Variants in ZC3H4 observed in about 807,000 individuals in gnomAD.
The protein encoded by ZC3H4 is zinc finger CCCH-type containing 4.
A neutral mutation model predicts 108.3 loss-of-function variants in ZC3H4; 13 were observed. The observed-to-expected ratio is 0.12, with a 90% CI of 0.08 to 0.19. The LOEUF (loss-of-function observed/expected upper bound fraction) is 0.19. Among genes scored for constraint, ZC3H4 ranks in the 10% least tolerant of loss-of-function variants. ZC3H4 has a pLI of 1.00. For missense variants in ZC3H4, 1,734 were observed against 1,838.8 expected (o/e 0.94, Z 1.04); for synonymous variants, 917 against 749.6 (o/e 1.22, Z -3.65).
intron 4 of ZC3H4, among the ~76,000 whole-genome samples, chr19:47,092,731 C>G (rs977597124): frequency 6.6e-6 from 1 of 151,838 alleles, no homozygotes; most frequent in African/African-American, 2.4e-5. Context: ...ACAGGAGAAT[C>G]GCTTGAACCA....
intron 4 of ZC3H4, among the ~76,000 whole-genome samples, chr19:47,090,659 A>G (rs2057715647): frequency 2.0e-5 from 3 of 152,214 alleles, no homozygotes. Flanking sequence ...GAAGAAGTTA[A>G]AGATACTCAT....
intron 2 of ZC3H4, among the ~76,000 whole-genome samples, chr19:47,102,522 G>A (rs534722541): frequency 3.9e-5 from 6 of 152,274 alleles, no homozygotes; most frequent in African/African-American, 1.2e-4. Flanking sequence ...TAACTGTGCA[G>A]CACAGGCAAC....
In ZC3H4 at chr19:47,064,858, T is replaced by TG. The variant is rs1021592211; in HGVS notation, c.*1497dup. On this transcript the variant is annotated 3_prime_UTR_variant, in exon 15 of 15. Transcript: ENST00000253048. ...TATGAGTTTTTCATTTTTCTCTTTTTGGGGTGGGGTGGGATAGGAGCCTTG... is the reference window on the plus strand; with the variant it reads ...TATGAGTTTTTCATTTTTCTCTTTTTGGGGGTGGGGTGGGATAGGAGCCTTG... 1 of 152,196 alleles carries TG rather than the reference T, an allele frequency of 6.6e-6. No individual in the cohort carries two copies. Among genetic ancestry groups the TG allele is most frequent in the African/African-American group, 2.4e-5 (1 of 41,406 alleles). The allele number at this position is 152,196 out of a possible 1,614,324, so 9.4% of individuals were successfully genotyped here. A position where few individuals can be genotyped will look rare whatever the true frequency, so the allele number is the denominator to read the frequency against.
At chr19:47,108,058 G>A (rs935770668) in intron 2 of ZC3H4, among the ~76,000 whole-genome samples, 24 of 152,084 alleles carry the variant, frequency 1.6e-4, no homozygotes, top group Middle Eastern at 3.2e-3. Context: ...CATGTTATTC[G>A]GAGAGGAGTC....
chr19:47,070,136 G>C (rs140451037), intron 13 of ZC3H4, among the ~76,000 whole-genome samples: 114 of 152,082 alleles, frequency 7.5e-4, no homozygotes, highest in Middle Eastern at 3.4e-3. Flanking sequence ...CGAAACGGAG[G>C]GGGGGGCGTC....
At chr19:47,095,385 C>A (rs549397090) in intron 2 of ZC3H4, among the ~76,000 whole-genome samples, 1 of 152,358 alleles carries the variant, frequency 6.6e-6, no homozygotes, top group East Asian at 1.9e-4. Flanking sequence ...CACCTCTAGG[C>A]CGGAGGCAAG....
rs372959970 is a variant in ZC3H4, at chr19:47,103,072, C to A, written c.162-8464G>T. On this transcript the variant is annotated intron_variant, in intron 2 of 14. Transcript: ENST00000253048. ...CCCACGAGCTCTGAAAATTTGCATTCTTGAGCAAAGGTATCTATCCCTCAG... is the reference window on the plus strand; with the variant it reads ...CCCACGAGCTCTGAAAATTTGCATTATTGAGCAAAGGTATCTATCCCTCAG... 1.2e-4 allele frequency among the ~76,000 whole-genome samples: 19 copies of A among 152,260 alleles called. 1 individual carries two copies. In the East Asian group the frequency reaches 1.5e-3, roughly 12 times the overall value.
chr19:47,069,361 C>T lies in ZC3H4; in HGVS notation c.2147-18G>A, dbSNP rs767466113. 6.2e-5 allele frequency: 99 copies of T among 1,608,142 alleles called. No individual in the cohort carries two copies. The highest frequency in any genetic ancestry group is 2.3e-4 in the South Asian group (21 of 90,266). On this transcript the variant is annotated intron_variant, in intron 13 of 14. Coordinates refer to ENST00000253048, the MANE Select transcript of ZC3H4 (RefSeq NM_015168.2). ...GTAGTCCTCTGTGGCAGGGAAGAAC[C>T]GAGGGTTCATGTCGGGAAGGGCCTC...
At chr19:47,089,877 C>T in intron 5 of ZC3H4, 90 bp downstream of exon 5, 1 of 1,394,238 alleles carries the variant, frequency 7.2e-7, no homozygotes. Flanking sequence ...CCCTAAGTGA[C>T]CAAACTTGAG....
intron 4 of ZC3H4, 46 bp from the exon 5 acceptor site, chr19:47,090,235 C>G: frequency 6.2e-7 from 1 of 1,604,198 alleles, no homozygotes; most frequent in Non-Finnish European, 8.5e-7. Context: ...ATCCCACAGC[C>G]GTGGGTGCAG....
chr19:47,092,644 C>T (rs995190873), intron 4 of ZC3H4, among the ~76,000 whole-genome samples: 1 of 151,784 alleles, frequency 6.6e-6, no homozygotes, highest in African/African-American at 2.4e-5. Context: ...TCGTGAAACC[C>T]TGTCTCTACT....
chr19:47,104,775 G>A (rs1296013063), intron 2 of ZC3H4, among the ~76,000 whole-genome samples: 2 of 152,172 alleles, frequency 1.3e-5, no homozygotes, highest in Non-Finnish European at 2.9e-5. Flanking sequence ...GGGCCTGCCT[G>A]GAATCCCAAG....
At chr19:47,094,233 A>C (rs2057785367) in intron 3 of ZC3H4, among the ~76,000 whole-genome samples, 153 bp from the exon 4 acceptor site, 1 of 152,220 alleles carries the variant, frequency 6.6e-6, no homozygotes, top group African/African-American at 2.4e-5. Context: ...AATGAAGCAT[A>C]AGCTACCAAC....
Position 47,072,517 on chromosome 19 carries a change from G to A in ZC3H4, c.1637C>T (p.Pro546Leu), listed in dbSNP as rs1264383572. The A allele has an allele frequency of 1.6e-6, 2 of 1,285,746 alleles. No homozygotes were observed. The highest frequency in any genetic ancestry group is 3.0e-5 in the African/African-American group (2 of 67,466). 79.6% of individuals were successfully genotyped at this position (1,285,746 alleles called of 1,614,324 possible). A position where few individuals can be genotyped will look rare whatever the true frequency, so the allele number is the denominator to read the frequency against. Residue 546 changes from proline to leucine, a missense_variant, in exon 12 of 15, where the codon CCT becomes CTT. Physicochemically the swap from Pro to Leu is moderately conservative, Grantham distance 98. This residue lies in a region of ZC3H4 where 75 missense variants were observed against 85.8 expected (regional missense o/e 0.87). Coordinates refer to ENST00000253048, the MANE Select transcript of ZC3H4 (RefSeq NM_015168.2). The surrounding 1 kb of genome is among the most constrained non-coding windows in gnomAD (Gnocchi z 5.6). ...GGGCCCGGGCGGTGGGGGAGGGGGA[G>A]GGGGCGGGGGCGGGGGGCCACCCTG... ...PMQGGPPPPP[P>L]PPPPPPGPPQ...
rs1337526343 is a variant in ZC3H4, at chr19:47,066,312, G to A, written c.*44C>T. ...CCCTACCCTGGGTGCTGCCCTGAAT[G>A]CCACCCTAGGAAGGGTGGCTGGAGC... On this transcript the variant is annotated 3_prime_UTR_variant, in exon 15 of 15. Coordinates refer to ENST00000253048, the MANE Select transcript of ZC3H4 (RefSeq NM_015168.2). The A allele has an allele frequency of 2.8e-6, 4 of 1,448,752 alleles. No homozygotes were observed. Among genetic ancestry groups the A allele is most frequent in the Non-Finnish European group, 2.7e-6 (3 of 1,096,974 alleles). The allele number at this position is 1,448,752 out of a possible 1,614,324, so 89.7% of individuals were successfully genotyped here.
chr19:47,076,304 CATGCA>C (rs2057416493), intron 11 of ZC3H4, among the ~76,000 whole-genome samples: 1 of 143,306 alleles, frequency 7.0e-6, no homozygotes, highest in South Asian at 2.2e-4. Flanking sequence ...AGACTCAACA[CATGCA>C]CGCGTGCGCG....
chr19:47,095,826 G>A (rs560757839), intron 2 of ZC3H4, among the ~76,000 whole-genome samples: 3 of 152,312 alleles, frequency 2.0e-5, no homozygotes, highest in East Asian at 1.9e-4. Flanking sequence ...AAAGGCTTGC[G>A]TGAGAGCATC....
At chr19:47,097,125 T>C (rs2057835041) in intron 2 of ZC3H4, among the ~76,000 whole-genome samples, 1 of 152,130 alleles carries the variant, frequency 6.6e-6, no homozygotes, top group South Asian at 2.1e-4. Context: ...GGTAGAGAAG[T>C]GCAGCATTCA....
rs760156897 is a variant in ZC3H4 at position 47,085,141 on chromosome 19, C to T, written c.1022G>A (p.Arg341Gln). The change falls in exon 8 of 15, where the codon CGG becomes CAG. Residue 341 changes from arginine (R) to glutamine (Q), a missense_variant. Arg to Gln is a conservative substitution (Grantham distance 43). Around this residue, in one of 9 missense-constraint regions of ZC3H4, gnomAD observed 403 missense variants for 457.0 expected, o/e 0.88. Transcript: ENST00000253048. The part of the protein sequence containing the change: ...GSRGRGKGMG[R>Q]GRGRGGSRGG... ...TCGGCTGCCACCTCGGCCTCGGCCCCGACCCATTCCTTTCCCTCGACCTCG... is the reference window on the plus strand; with the variant it reads ...TCGGCTGCCACCTCGGCCTCGGCCCTGACCCATTCCTTTCCCTCGACCTCG... The T allele has an allele frequency of 2.5e-6, 4 of 1,613,332 alleles. No individual in the cohort carries two copies. The highest frequency in any genetic ancestry group is 1.3e-5 in the African/African-American group (1 of 74,682).
Sources: allele counts gnomAD v4.1 joint callset (sites outside exome capture counted in the v4.1 genomes callset), GRCh38; gene constraint gnomAD v4.1.1; regional missense constraint gnomAD v4.1.1; non-coding constraint Gnocchi (gnomAD v3.1); transcripts MANE v1.5; gene names NCBI Gene and HGNC (gene_info 2026-07-23, HGNC 2026-07-21).